The following POU2F3 variants were observed in gnomAD, a reference collection of about 807,000 sequenced individuals.
POU2F3 encodes POU domain, class 2, transcription factor 3.
Under a neutral mutation model 59.2 loss-of-function variants are expected in POU2F3, and 23 were observed. That is an observed-to-expected ratio of 0.39 (90% confidence interval 0.28 to 0.55). The LOEUF is 0.55. Ranked by LOEUF, POU2F3 falls within the 20% of genes least tolerant of loss-of-function variation. The pLI is 0.66. For synonymous variants in POU2F3, 190 were observed against 214.6 expected, an observed-to-expected ratio of 0.89 and a Z score of 1.00; for missense variants, 473 against 544.5, an observed-to-expected ratio of 0.87 and a Z score of 1.31.
chr11:120,277,641 G>T (rs1037658560), intron 3 of POU2F3, among the ~76,000 whole-genome samples: 6 of 152,046 alleles, frequency 3.9e-5, no homozygotes, highest in Non-Finnish European at 5.9e-5. Context: ...AATTAGCCGG[G>T]CGCAGTGGCT....
intron 3 of POU2F3, among the ~76,000 whole-genome samples, chr11:120,278,741 T>G (rs572591569): frequency 6.6e-6 from 1 of 152,112 alleles, no homozygotes; most frequent in African/African-American, 2.4e-5. Flanking sequence ...TAAATAACTC[T>G]CCATGGACAC....
chr11:120,308,710 G>A (rs907256417), intron 9 of POU2F3, among the ~76,000 whole-genome samples: 7 of 151,940 alleles, frequency 4.6e-5, no homozygotes, highest in African/African-American at 1.7e-4. Context: ...GGCCGAGGCA[G>A]GTGGATCACC....
chr11:120,272,445 T>C (rs1307090734), intron 3 of POU2F3, among the ~76,000 whole-genome samples: 1 of 151,622 alleles, frequency 6.6e-6, no homozygotes, highest in East Asian at 1.9e-4. Context: ...TGGGAGGAAA[T>C]GGGAGGTAGA....
intron 1 of POU2F3, among the ~76,000 whole-genome samples, chr11:120,240,730 G>A (rs1311567577): frequency 1.3e-5 from 2 of 152,178 alleles, no homozygotes; most frequent in Non-Finnish European, 2.9e-5. Context: ...GTGTGGACCT[G>A]GGAGTGCATA....
At chr11:120,314,559 A>G (rs899767160) in intron 10 of POU2F3, among the ~76,000 whole-genome samples, 2 of 152,182 alleles carry the variant, frequency 1.3e-5, no homozygotes, top group African/African-American at 2.4e-5. Context: ...TATTGCTGCT[A>G]TTTTACAGAT....
intron 3 of POU2F3, among the ~76,000 whole-genome samples, chr11:120,291,427 C>T (rs1478719372): frequency 1.3e-5 from 2 of 152,222 alleles, no homozygotes; most frequent in Non-Finnish European, 2.9e-5. Context: ...TCTCTGGCTT[C>T]AGAAGTCATA....
chr11:120,259,703 T>C (rs1489892938), intron 2 of POU2F3, among the ~76,000 whole-genome samples: 1 of 152,184 alleles, frequency 6.6e-6, no homozygotes, highest in Non-Finnish European at 1.5e-5. Context: ...TGTTTTAATA[T>C]AATGTTTAGA....
At position 120,315,360 on chromosome 11, in the gene POU2F3, G is replaced by C. The variant is rs780352638; in HGVS notation, c.1069-1G>C. 11 of 1,612,074 alleles carry C rather than the reference G, an allele frequency of 6.8e-6. No individual in the cohort carries two copies. The highest frequency in any genetic ancestry group is 8.5e-6 in the Non-Finnish European group (10 of 1,178,156). ...ATTTACAAGCTTCTGTTGTTTTTCA[G>C]GTATCTCCCTCAGGGTCTCTGGGCC... On this transcript the variant is annotated splice_acceptor_variant, in intron 10 of 12. Transcript: ENST00000543440. LOFTEE classifies it high-confidence loss of function.
intron 11 of POU2F3, among the ~76,000 whole-genome samples, chr11:120,316,445 T>C (rs1941790934): frequency 6.6e-6 from 1 of 152,220 alleles, no homozygotes; most frequent in African/African-American, 2.4e-5. Flanking sequence ...GTTTTGTTTT[T>C]TGAGACAGCG....
At position 120,313,471 on chromosome 11, in the gene POU2F3, T is replaced by C. The variant is rs561385398; in HGVS notation, c.1069-1890T>C. 3.3e-5 allele frequency among the ~76,000 whole-genome samples: 5 copies of C among 152,312 alleles called. No homozygotes were observed. In the South Asian group the frequency reaches 1.0e-3, roughly 32 times the overall value. ...CATGAAGGAAAAGGAGGGAGAAAAT[T>C]TTCTGATCCTATCTTTGGGTCTCAT... is the stretch of plus-strand genomic sequence containing the variant. On this transcript the variant is annotated intron_variant, in intron 10 of 12. Coordinates refer to ENST00000543440, the MANE Select transcript of POU2F3 (RefSeq NM_014352.4).
chr11:120,260,724 G>A (rs546720543), intron 2 of POU2F3, among the ~76,000 whole-genome samples: 1 of 152,160 alleles, frequency 6.6e-6, no homozygotes, highest in East Asian at 1.9e-4. Context: ...ATATGCTGGC[G>A]TTGGGGGGTT....
rs1941847741 is a variant in POU2F3 at position 120,318,612 on chromosome 11, C to A, written c.*220C>A. 1.9e-6 allele frequency: 1 copy of A among 538,524 alleles called. No homozygotes were observed. 33.4% of individuals were successfully genotyped at this position (538,524 alleles called of 1,614,324 possible). On this transcript the variant is annotated 3_prime_UTR_variant, in exon 13 of 13. Coordinates refer to ENST00000543440, the MANE Select transcript of POU2F3 (RefSeq NM_014352.4). Reference sequence around the variant, plus strand: ...CCTAATGCTCTTGAAATACACAGCCCCTCCTAGGAGCTTACCATTTTCACC... The same window carrying A: ...CCTAATGCTCTTGAAATACACAGCCACTCCTAGGAGCTTACCATTTTCACC...
Position 120,318,516 on chromosome 11 carries a change from CCCAGACT to C in POU2F3, c.*126_*132del. On this transcript the variant is annotated 3_prime_UTR_variant, in exon 13 of 13. Coordinates refer to ENST00000543440, the MANE Select transcript of POU2F3 (RefSeq NM_014352.4). Reference sequence around the variant, plus strand: ...GAAGAAAATCTCCACTATCAATGAACCCAGACTCTTGTCTTCTTCAAGAGCAAGGGCC... The same window carrying C: ...GAAGAAAATCTCCACTATCAATGAACCTTGTCTTCTTCAAGAGCAAGGGCC... 1.0e-6 allele frequency: 1 copy of C among 994,024 alleles called. No individual in the cohort carries two copies. Among genetic ancestry groups the C allele is most frequent in the Middle Eastern group, 2.1e-4 (1 of 4,684 alleles). The allele number at this position is 994,024 out of a possible 1,614,324, so 61.6% of individuals were successfully genotyped here.
upstream of POU2F3, among the ~76,000 whole-genome samples, chr11:120,239,611 A>G (rs987808984): frequency 1.3e-5 from 2 of 152,196 alleles, no homozygotes; most frequent in Non-Finnish European, 2.9e-5. Context: ...TGAGGATGCC[A>G]TGGGGGCTAG....
chr11:120,279,227 A>G (rs1447782176), intron 3 of POU2F3, among the ~76,000 whole-genome samples: 1 of 151,904 alleles, frequency 6.6e-6, no homozygotes, highest in African/African-American at 2.4e-5. Flanking sequence ...AGGCCGTGTG[A>G]TATGGTGGTT....
intron 2 of POU2F3, among the ~76,000 whole-genome samples, chr11:120,263,442 T>C (rs1433496986): frequency 6.6e-6 from 1 of 152,246 alleles, no homozygotes; most frequent in African/African-American, 2.4e-5. Context: ...TACCAAATAT[T>C]TTCTAATCCT....
At chr11:120,237,368 C>A (rs1367842717), upstream of POU2F3, among the ~76,000 whole-genome samples, 3 of 152,084 alleles carry the variant, frequency 2.0e-5, no homozygotes, top group Non-Finnish European at 4.4e-5. Flanking sequence ...CCTCCACACT[C>A]CAAGTTTGGA....
chr11:120,244,531 T>C (rs572163783), intron 1 of POU2F3, among the ~76,000 whole-genome samples: 1 of 152,338 alleles, frequency 6.6e-6, no homozygotes, highest in African/African-American at 2.4e-5. Context: ...AGTGATGGCA[T>C]TGAGATTAAT....
chr11:120,261,170 G>C (rs1469085209), intron 2 of POU2F3: 1 of 144,104 alleles, frequency 6.9e-6, no homozygotes, highest in Non-Finnish European at 1.5e-5. Flanking sequence ...TTGTGTGTGT[G>C]TGTGTGTGTG....
Sources: allele counts gnomAD v4.1 joint callset (sites outside exome capture counted in the v4.1 genomes callset), GRCh38; gene constraint gnomAD v4.1.1; transcripts MANE v1.5; gene names NCBI Gene and HGNC (gene_info 2026-07-23, HGNC 2026-07-21).